FAF2: variants seen among roughly 807,000 people sequenced by gnomAD.
The protein encoded by FAF2 is FAS-associated factor 2.
A neutral mutation model predicts 62.3 loss-of-function variants in FAF2; 9 were observed. The observed-to-expected ratio is 0.14, with a 90% CI of 0.09 to 0.25. The LOEUF is 0.25. Ranked by LOEUF, FAF2 falls within the 10% of genes least tolerant of loss-of-function variation. The pLI is 1.00. For missense variants in FAF2, 368 were observed against 556.2 expected (o/e 0.66, Z 3.40); for synonymous variants, 202 against 198.0 (o/e 1.02, Z -0.17).
intron 10 of FAF2, among the ~76,000 whole-genome samples, chr5:176,504,948 G>T (rs1017781834): frequency 6.6e-6 from 1 of 151,874 alleles, no homozygotes; most frequent in Middle Eastern, 3.4e-3. Context: ...GCTTGAACCT[G>T]GGAGGTCGAG....
chr5:176,485,582 GA>G (rs1335879796), intron 2 of FAF2, among the ~76,000 whole-genome samples: 1 of 152,174 alleles, frequency 6.6e-6, no homozygotes, highest in African/African-American at 2.4e-5. Context: ...AGGAGGGAAT[GA>G]ATTTTTTAAA....
At position 176,473,070 on chromosome 5, in the gene FAF2, A is replaced by G. The variant is rs114756930; in HGVS notation, c.64-6118A>G. ...CATTATTAGTATGGTACACTTGTCA[A>G]AATTGATGAACCAATATTGATACAC... On this transcript the variant is annotated intron_variant, in intron 1 of 10. Transcript: ENST00000261942. Among the ~76,000 whole-genome samples, 625 of 152,360 alleles carry G rather than the reference A, an allele frequency of 4.1e-3. 3 individuals are homozygous for G. Among genetic ancestry groups the G allele is most frequent in the Non-Finnish European group, 7.0e-3 (478 of 68,034 alleles).
intron 7 of FAF2, among the ~76,000 whole-genome samples, chr5:176,495,137 C>T (rs1271483137): frequency 3.9e-5 from 6 of 152,064 alleles, no homozygotes; most frequent in Non-Finnish European, 5.9e-5. Context: ...TATTTTTAGA[C>T]GGTTAGTAAA....
intron 3 of FAF2, among the ~76,000 whole-genome samples, chr5:176,487,662 A>T (rs1054861546): frequency 2.0e-5 from 3 of 152,188 alleles, no homozygotes; most frequent in African/African-American, 7.2e-5. Context: ...CCCTGGATGT[A>T]TGCTAGTTTT....
chr5:176,476,366 A>G (rs1301154089), intron 1 of FAF2, among the ~76,000 whole-genome samples: 1 of 152,216 alleles, frequency 6.6e-6, no homozygotes. Flanking sequence ...ACTGAAGCTT[A>G]TACAAAAAGG....
chr5:176,493,938 G>A (rs765912541), intron 5 of FAF2, 61 bp from the exon 6 acceptor site: 3 of 1,171,256 alleles, frequency 2.6e-6, no homozygotes, highest in East Asian at 2.4e-5. Flanking sequence ...AGGACCCTTA[G>A]CTTAAATATA....
intron 1 of FAF2, chr5:176,453,222 A>G (rs901165814): frequency 6.6e-6 from 1 of 152,244 alleles, no homozygotes; most frequent in Admixed American, 6.5e-5. Flanking sequence ...AAGGAGAGCT[A>G]ATGCAGGTAT....
intron 5 of FAF2, among the ~76,000 whole-genome samples, chr5:176,493,479 CTT>C (rs1163430045): frequency 6.6e-6 from 1 of 152,236 alleles, no homozygotes; most frequent in Non-Finnish European, 1.5e-5. Flanking sequence ...CTAGCCTTGT[CTT>C]TGAAAGTCTT....
At chr5:176,474,449 C>A (rs999012226) in intron 1 of FAF2, among the ~76,000 whole-genome samples, 2 of 152,192 alleles carry the variant, frequency 1.3e-5, no homozygotes, top group African/African-American at 4.8e-5. Flanking sequence ...TCTTAGCACC[C>A]CCCTTCCCCC....
chr5:176,498,973 C>G lies in FAF2; in HGVS notation c.899C>G (p.Ser300Cys). 5 of 1,613,320 alleles carry G rather than the reference C, an allele frequency of 3.1e-6. No homozygotes were observed. The highest frequency in any genetic ancestry group is 4.2e-6 in the Non-Finnish European group (5 of 1,179,456). Residue 300 changes from serine to cysteine, a missense_variant, in exon 9 of 11, where the codon TCT becomes TGT. By Grantham distance (112) the Ser-to-Cys change is moderately radical (BLOSUM62 -1). Around this residue, in one of 2 missense-constraint regions of FAF2, gnomAD observed 331 missense variants for 441.9 expected, o/e 0.75. Transcript: ENST00000261942. ...RQQQDEAYLA[S>C]LRADQEKERK... ...CAGCAGGATGAGGCCTACCTGGCCT[C>G]TCTCAGAGCTGACCAGGAGAAAGAA...
Position 176,492,232 on chromosome 5 carries a change from G to A in FAF2, c.383G>A (p.Arg128Gln), listed in dbSNP as rs374491360. ...TTTATACGGCCTGACCCTCGCAGCC[G>A]GGTCACTGACCCCGTTGGGGACATT... Reference protein sequence around the residue: ...LRFIRPDPRSRVTDPVGDIVS... With the variant: ...LRFIRPDPRSQVTDPVGDIVS... The change falls in exon 5 of 11, where the codon CGG becomes CAG. Residue 128 changes from arginine (R) to glutamine (Q), a missense_variant. This residue lies in a region of FAF2 where 331 missense variants were observed against 441.9 expected (regional missense o/e 0.75). Transcript: ENST00000261942. The A allele has an allele frequency of 5.0e-5, 80 of 1,613,926 alleles. No individual in the cohort carries two copies. In the African/African-American group the frequency reaches 6.3e-4, roughly 13 times the overall value.
intron 1 of FAF2, among the ~76,000 whole-genome samples, chr5:176,470,005 GAAAACACC>G (rs1758537144): frequency 6.6e-6 from 1 of 152,176 alleles, no homozygotes; most frequent in African/African-American, 2.4e-5. Context: ...AGCCAGGAGA[GAAAACACC>G]AGAAGATTCC....
chr5:176,498,769 A>T, intron 8 of FAF2, 145 bp from the exon 9 acceptor site: 1 of 679,670 alleles, frequency 1.5e-6, no homozygotes, highest in Non-Finnish European at 2.1e-6. Context: ...CTGCTTTTGG[A>T]ATCCCTTATG....
At chr5:176,459,580 C>T (rs1317057116) in intron 1 of FAF2, among the ~76,000 whole-genome samples, 3 of 152,048 alleles carry the variant, frequency 2.0e-5, no homozygotes. Context: ...ATCTTTGCAG[C>T]AATGTAGGGG....
chr5:176,499,621 T>A lies in FAF2; in HGVS notation c.1012-382T>A, dbSNP rs983921812. On this transcript the variant is annotated intron_variant, in intron 9 of 10. Coordinates refer to ENST00000261942, the MANE Select transcript of FAF2 (RefSeq NM_014613.3). Reference sequence around the variant, plus strand: ...TTAGTCATTTCCTTTTATTTCTTTTTTTTTTTTAAGAGACAGGGTCTCACT... The same window carrying A: ...TTAGTCATTTCCTTTTATTTCTTTTATTTTTTTAAGAGACAGGGTCTCACT... Among the ~76,000 whole-genome samples, 7 of 152,108 alleles carry A rather than the reference T, an allele frequency of 4.6e-5. No homozygotes were observed. The South Asian group carries it at 1.4e-3, about 31-fold the overall frequency.
At chr5:176,490,427 A>AAGGGCATCCAGGCCAGCAGATGG (rs1299774799) in intron 4 of FAF2, among the ~76,000 whole-genome samples, 3 of 152,174 alleles carry the variant, frequency 2.0e-5, no homozygotes, top group Admixed American at 6.5e-5. Flanking sequence ...TTAAATGTTC[A>AAGGGCATCCAGGCCAGCAGATGG]AGGGCATCCA....
chr5:176,494,090 T>TG lies in FAF2; in HGVS notation c.569+8dup. Reference sequence around the variant, plus strand: ...GACTCTGATGAGTTTTGTCGGTAAGTGGATTGATTATTTTCCTTCTCTTTT... The same window carrying TG: ...GACTCTGATGAGTTTTGTCGGTAAGTGGGATTGATTATTTTCCTTCTCTTTT... On this transcript the variant is annotated splice_region_variant and intron_variant, in intron 6 of 10. Coordinates refer to ENST00000261942, the MANE Select transcript of FAF2 (RefSeq NM_014613.3). The surrounding 1 kb of genome is among the most constrained non-coding windows in gnomAD (Gnocchi z 4.0). The TG allele has an allele frequency of 6.2e-7, 1 of 1,613,500 alleles. No homozygotes were observed. Among genetic ancestry groups the TG allele is most frequent in the Non-Finnish European group, 8.5e-7 (1 of 1,179,394 alleles).
Position 176,451,813 on chromosome 5 carries a change from C to T in FAF2, c.63+3343C>T, listed in dbSNP as rs1302635270. On this transcript the variant is annotated intron_variant, in intron 1 of 10. Transcript: ENST00000261942. ...ATATATATATACATATATATATACA[C>T]ACATATATATATATACATATATATA... 4.7e-5 allele frequency among the ~76,000 whole-genome samples: 2 copies of T among 42,676 alleles called. 1 individual carries two copies. The highest frequency in any genetic ancestry group is 9.5e-5 in the Non-Finnish European group (2 of 21,020). 28.0% of individuals were successfully genotyped at this position (42,676 alleles called of 152,430 possible). A position where few individuals can be genotyped will look rare whatever the true frequency, so the allele number is the denominator to read the frequency against.
intron 9 of FAF2, among the ~76,000 whole-genome samples, chr5:176,499,500 TTTG>T (rs772559530): frequency 5.9e-5 from 9 of 152,196 alleles, no homozygotes; most frequent in Non-Finnish European, 1.0e-4. Context: ...TTTGTTTTGT[TTTG>T]TTTTGTTGTT....
Sources: allele counts gnomAD v4.1 joint callset (sites outside exome capture counted in the v4.1 genomes callset), GRCh38; gene constraint gnomAD v4.1.1; regional missense constraint gnomAD v4.1.1; non-coding constraint Gnocchi (gnomAD v3.1); transcripts MANE v1.5; gene names NCBI Gene and HGNC (gene_info 2026-07-23, HGNC 2026-07-21).